Variants in RWDD3 observed in about 807,000 individuals in gnomAD.
RWDD3 encodes the protein RWD domain-containing protein 3.
RWDD3 carries 30 observed loss-of-function variants against 26.5 expected under a neutral mutation model. The ratio of observed to expected loss-of-function variants is 1.13; its 90% CI spans 0.85 to 1.54. The LOEUF (loss-of-function observed/expected upper bound fraction) is 1.54, where lower values mean the gene tolerates loss of function less well. RWDD3 is among the 40% of genes most tolerant of loss of function. The pLI is 0.00. For missense variants in RWDD3, 296 were observed against 309.1 expected (o/e 0.96, Z 0.32); for synonymous variants, 113 against 114.5 (o/e 0.99, Z 0.09).
In RWDD3 at chr1:95,244,463, A is replaced by AT. The variant is rs1237699142; in HGVS notation, c.339dup (p.Ile114TyrfsTer12). On this transcript the variant is annotated frameshift_variant, in exon 2 of 4. Transcript: ENST00000370202. LOFTEE classifies it high-confidence loss of function. ...CTCTGGATTCAGCAGAATCTCAGGC[A>AT]TATCCTCAGCCAACCAGAAACTGGC... 6.2e-7 allele frequency: 1 copy of AT among 1,614,226 alleles called. No homozygotes were observed. Among genetic ancestry groups the AT allele is most frequent in the East Asian group, 2.2e-5 (1 of 44,884 alleles).
At chr1:95,241,158 T>G (rs144531909) in intron 1 of RWDD3, among the ~76,000 whole-genome samples, 1 of 146,518 alleles carries the variant, frequency 6.8e-6, no homozygotes, top group South Asian at 2.2e-4. Flanking sequence ...GCAAGATGAT[T>G]AAAAAAAAAA....
At chr1:95,244,834 A>G (rs148101533) in intron 2 of RWDD3, 136 bp downstream of exon 2, 158 of 991,486 alleles carry the variant, frequency 1.6e-4, no homozygotes, top group Non-Finnish European at 2.1e-4. Context: ...ATCTTAATGG[A>G]TCTTCCTTTT....
chr1:95,241,864 C>CA (rs1680639687), intron 1 of RWDD3, among the ~76,000 whole-genome samples: 1 of 152,154 alleles, frequency 6.6e-6, no homozygotes, highest in Non-Finnish European at 1.5e-5. Flanking sequence ...CACCCCTCCC[C>CA]ACCCCCCCCA....
intron 1 of RWDD3, chr1:95,243,377 A>G (rs1680714107): frequency 6.6e-6 from 1 of 152,068 alleles, no homozygotes; most frequent in African/African-American, 2.4e-5. Context: ...AGGCACGTGC[A>G]GAGGGAAGTA....
At chr1:95,239,777 G>A in intron 1 of RWDD3, 1 of 1,280,274 alleles carries the variant, frequency 7.8e-7, no homozygotes, top group South Asian at 1.3e-5. Context: ...TGCTGACTAG[G>A]ACCAGAAAAT....
rs1557716678 is a variant in RWDD3 at position 95,234,269 on chromosome 1, C to G, written c.39C>G (p.Ala13=). 2 of 1,599,186 alleles carry G rather than the reference C, an allele frequency of 1.3e-6. No individual in the cohort carries two copies. The highest frequency in any genetic ancestry group is 1.7e-6 in the Non-Finnish European group (2 of 1,173,398). ...TGCAGGAGGAGCTCTCGGTCCTGGC[C>G]GCGATTTTCTGCAGGCCCCACGAGT... ...EPVQEELSVL[A]AIFCRPHEWE... Residue 13 remains alanine (A), a synonymous_variant, in exon 1 of 4, where the codon GCC becomes GCG. Transcript: ENST00000370202.
intron 1 of RWDD3, chr1:95,243,165 C>T (rs1390987726): frequency 6.6e-6 from 1 of 152,162 alleles, no homozygotes; most frequent in Non-Finnish European, 1.5e-5. Context: ...ACAGATGTGT[C>T]TGGTCCTGTA....
At chr1:95,238,883 G>T (rs549566284) in intron 1 of RWDD3, among the ~76,000 whole-genome samples, 1 of 152,272 alleles carries the variant, frequency 6.6e-6, no homozygotes, top group South Asian at 2.1e-4. Context: ...TTTGGAATGT[G>T]TTTAGGAGCT....
rs1181428814 is a variant in RWDD3 at position 95,246,619 on chromosome 1, T to C, written c.651T>C (p.Ser217=). The C allele has an allele frequency of 1.2e-6, 2 of 1,612,562 alleles. No individual in the cohort carries two copies. Among genetic ancestry groups the C allele is most frequent in the Non-Finnish European group, 1.7e-6 (2 of 1,179,008 alleles). Reference sequence around the variant, plus strand: ...AGAAATGCAAAGAGAAAATGATTAGTGTACTGTTTGAAACAAAAGTACAGA... The same window carrying C: ...AGAAATGCAAAGAGAAAATGATTAGCGTACTGTTTGAAACAAAAGTACAGA... ...SGKKCKEKMI[S]VLFETKVQTE... The change falls in exon 3 of 4, where the codon AGT becomes AGC. Residue 217 remains serine, a synonymous_variant. Coordinates refer to ENST00000370202, the MANE Select transcript of RWDD3 (RefSeq NM_015485.5).
At chr1:95,239,753 A>C in intron 1 of RWDD3, 1 of 1,247,444 alleles carries the variant, frequency 8.0e-7, no homozygotes, top group Non-Finnish European at 1.0e-6. Flanking sequence ...AGTTTCACCC[A>C]TTGCTATTCT....
At chr1:95,246,682 G>A in intron 3 of RWDD3, 25 bp downstream of exon 3, 3 of 1,554,934 alleles carry the variant, frequency 1.9e-6, no homozygotes, top group East Asian at 2.3e-5. Context: ...TATTGCAGAT[G>A]GAAAAGCAAC....
chr1:95,242,745 C>G (rs1236662019), intron 1 of RWDD3, among the ~76,000 whole-genome samples: 1 of 151,920 alleles, frequency 6.6e-6, no homozygotes, highest in Non-Finnish European at 1.5e-5. Flanking sequence ...ATGGAGAAAC[C>G]CTGTCTCTAC....
intron 2 of RWDD3, among the ~76,000 whole-genome samples, chr1:95,245,369 T>G (rs1187020666): frequency 6.6e-6 from 1 of 152,210 alleles, no homozygotes; most frequent in Admixed American, 6.5e-5. Context: ...TGAGGAAAAC[T>G]GTTTTTTATA....
Position 95,239,996 on chromosome 1 carries a change from C to T in RWDD3, c.86-4215C>T, listed in dbSNP as rs150843071. The T allele has an allele frequency of 8.5e-5, 102 of 1,200,456 alleles. No homozygotes were observed. The East Asian group carries it at 4.0e-3, about 47-fold the overall frequency. 74.4% of individuals were successfully genotyped at this position (1,200,456 alleles called of 1,614,324 possible). On this transcript the variant is annotated intron_variant, in intron 1 of 3. Transcript: ENST00000370202. ...GGATTCTTCAAAGTTTGCAGCATAG[C>T]ATCTTGCTTCAGTGCGGATACATTG...
chr1:95,239,555 A>G (rs1680516704), intron 1 of RWDD3, among the ~76,000 whole-genome samples: 1 of 152,196 alleles, frequency 6.6e-6, no homozygotes, highest in South Asian at 2.1e-4. Context: ...AGTTTCTTGT[A>G]GAGATGACAG....
intron 1 of RWDD3, among the ~76,000 whole-genome samples, chr1:95,240,795 T>G (rs1359679448): frequency 6.6e-6 from 1 of 151,492 alleles, no homozygotes; most frequent in Non-Finnish European, 1.5e-5. Context: ...GGAGAGAAAT[T>G]CTGGAGGACT....
chr1:95,242,902 G>C (rs1334292388), intron 1 of RWDD3, among the ~76,000 whole-genome samples: 1 of 151,964 alleles, frequency 6.6e-6, no homozygotes, highest in Non-Finnish European at 1.5e-5. Flanking sequence ...CTGGGCGACA[G>C]AGTGAGATTG....
chr1:95,235,340 C>A (rs1159601710), intron 1 of RWDD3, among the ~76,000 whole-genome samples: 1 of 137,426 alleles, frequency 7.3e-6, no homozygotes, highest in Non-Finnish European at 1.5e-5. Context: ...GCGTGAGCCA[C>A]TGCGCCCGGC....
Position 95,239,985 on chromosome 1 carries a change from T to C in RWDD3, c.86-4226T>C, listed in dbSNP as rs1195132943. 4.8e-6 allele frequency: 6 copies of C among 1,253,278 alleles called. No homozygotes were observed. The African/African-American group carries it at 6.2e-5, about 13-fold the overall frequency. 77.6% of individuals were successfully genotyped at this position (1,253,278 alleles called of 1,614,324 possible). A position where few individuals can be genotyped will look rare whatever the true frequency, so the allele number is the denominator to read the frequency against. On this transcript the variant is annotated intron_variant, in intron 1 of 3. Transcript: ENST00000370202. ...TGATCAGAAAAGGATTCTTCAAAGT[T>C]TGCAGCATAGCATCTTGCTTCAGTG...
Sources: gnomAD v4.1 joint callset for allele counts (sites outside exome capture counted in the v4.1 genomes callset) on GRCh38, gnomAD v4.1.1 for gene constraint, MANE v1.5 for transcripts, NCBI Gene and HGNC (gene_info 2026-07-23, HGNC 2026-07-21) for gene names.